The following ELMO1 variants were observed in gnomAD, a reference collection of about 807,000 sequenced individuals.
ELMO1 encodes engulfment and cell motility protein 1.
A neutral mutation model predicts 98.9 loss-of-function variants in ELMO1; 26 were observed. The ratio of observed to expected loss-of-function variants is 0.26; its 90% CI spans 0.19 to 0.36. The LOEUF (loss-of-function observed/expected upper bound fraction) is 0.36. ELMO1 is among the 10% of genes least tolerant of loss of function. The probability of loss-of-function intolerance (pLI) is 1.00; values close to 1 mark genes in which losing one functional copy is unlikely to be tolerated. For missense variants in ELMO1, 627 were observed against 935.2 expected (o/e 0.67, Z 4.30); for synonymous variants, 346 against 346.0 (o/e 1.00, Z 0.00).
At chr7:37,348,964 A>T (rs1801136113) in intron 1 of ELMO1, among the ~76,000 whole-genome samples, 1 of 152,214 alleles carries the variant, frequency 6.6e-6, no homozygotes, top group South Asian at 2.1e-4. Context: ...GTTGCACAGT[A>T]AACCCTACTG....
intron 8 of ELMO1, among the ~76,000 whole-genome samples, chr7:37,231,498 A>G (rs746798446): frequency 4.6e-5 from 7 of 152,240 alleles, no homozygotes; most frequent in Non-Finnish European, 7.3e-5. Context: ...CCAAAAATGC[A>G]TAACCTTCTT....
At chr7:36,965,025 C>A (rs747077683) in intron 16 of ELMO1, among the ~76,000 whole-genome samples, 1 of 152,158 alleles carries the variant, frequency 6.6e-6, no homozygotes, top group Non-Finnish European at 1.5e-5. Context: ...TCTTCCCATT[C>A]CTTGAATACC....
intron 4 of ELMO1, among the ~76,000 whole-genome samples, chr7:37,305,435 C>G (rs1798560621): frequency 7.9e-6 from 1 of 126,818 alleles, no homozygotes; most frequent in South Asian, 3.1e-4. Context: ...ATATCCAGCA[C>G]AGTACAGATA....
chr7:37,295,352 A>G (rs905962824), intron 4 of ELMO1, among the ~76,000 whole-genome samples: 9 of 152,224 alleles, frequency 5.9e-5, no homozygotes, highest in Non-Finnish European at 1.0e-4. Flanking sequence ...TGTCAGTTAT[A>G]TCATTTTTTG....
intron 13 of ELMO1, among the ~76,000 whole-genome samples, chr7:37,155,507 AAGC>A (rs1257081360): frequency 1.3e-5 from 2 of 149,768 alleles, no homozygotes; most frequent in East Asian, 3.9e-4. Flanking sequence ...AAAAAAAAAA[AAGC>A]AGGTGTTGCA....
intron 8 of ELMO1, among the ~76,000 whole-genome samples, chr7:37,226,970 G>A (rs1018749503): frequency 2.0e-5 from 3 of 152,080 alleles, no homozygotes; most frequent in Admixed American, 6.6e-5. Context: ...AGTACACTGC[G>A]GGCCTATTCT....
At chr7:37,138,584 A>ATTTCT (rs1787415702) in intron 13 of ELMO1, among the ~76,000 whole-genome samples, 2 of 152,196 alleles carry the variant, frequency 1.3e-5, no homozygotes, top group Non-Finnish European at 2.9e-5. Context: ...GTAATAAAGA[A>ATTTCT]AATTTCCAAC....
intron 15 of ELMO1, among the ~76,000 whole-genome samples, chr7:37,073,738 A>G (rs1381223285): frequency 1.3e-5 from 2 of 151,484 alleles, no homozygotes; most frequent in Admixed American, 1.3e-4. Context: ...GACACATACC[A>G]CCATGTCCAG....
chr7:37,422,797 A>G (rs1478074362), intron 1 of ELMO1, among the ~76,000 whole-genome samples: 2 of 152,242 alleles, frequency 1.3e-5, no homozygotes, highest in Non-Finnish European at 2.9e-5. Context: ...AGAAGTCATG[A>G]TGTCTGAAGA....
intron 13 of ELMO1, among the ~76,000 whole-genome samples, chr7:37,135,111 T>G (rs532684075): frequency 6.6e-6 from 1 of 152,176 alleles, no homozygotes; most frequent in Non-Finnish European, 1.5e-5. Flanking sequence ...TGATCTGAAC[T>G]CTCCATCTAC....
chr7:36,948,886 C>T (rs982736589), intron 16 of ELMO1, among the ~76,000 whole-genome samples: 9 of 152,208 alleles, frequency 5.9e-5, no homozygotes, highest in East Asian at 3.9e-4. Flanking sequence ...AATGGAGTCT[C>T]GCTCTGTCAC....
At chr7:37,303,320 C>A (rs1562596850) in intron 4 of ELMO1, among the ~76,000 whole-genome samples, 1 of 152,052 alleles carries the variant, frequency 6.6e-6, no homozygotes, top group Non-Finnish European at 1.5e-5. Context: ...CTAAAAACAA[C>A]AAAAAGGCAT....
intron 13 of ELMO1, among the ~76,000 whole-genome samples, chr7:37,144,272 A>G (rs1787843224): frequency 6.6e-6 from 1 of 151,966 alleles, no homozygotes; most frequent in Non-Finnish European, 1.5e-5. Context: ...CTCTCACTCC[A>G]CGTATCATTT....
intron 15 of ELMO1, among the ~76,000 whole-genome samples, chr7:37,076,589 A>T (rs1318787146): frequency 6.6e-6 from 1 of 152,218 alleles, no homozygotes; most frequent in Admixed American, 6.5e-5. Flanking sequence ...TAGCCAAAAT[A>T]GTTCAGTAAG....
chr7:37,117,936 CAT>C lies in ELMO1; in HGVS notation c.1191+15192_1191+15193del, dbSNP rs201174855. On this transcript the variant is annotated intron_variant, in intron 14 of 21. Coordinates refer to ENST00000310758, the MANE Select transcript of ELMO1 (RefSeq NM_014800.11). The stretch of plus-strand genomic sequence containing the variant: ...ATGGAATTGTGTGTTTAACTGGCAA[CAT>C]ATAATTTTATTTTTAAAAAAATGAA... Among the ~76,000 whole-genome samples the C allele has an allele frequency of 7.2e-3, 1,100 of 152,146 alleles. 12 individuals are homozygous for C. The highest frequency in any genetic ancestry group is 0.011 in the Non-Finnish European group (740 of 68,000).
chr7:37,188,786 C>G (rs1024315393), intron 13 of ELMO1, among the ~76,000 whole-genome samples: 1 of 152,102 alleles, frequency 6.6e-6, no homozygotes, highest in Non-Finnish European at 1.5e-5. Flanking sequence ...ACCACTAAAT[C>G]TTGCTGGGGT....
chr7:37,107,678 T>C (rs1210271372), intron 14 of ELMO1, among the ~76,000 whole-genome samples: 1 of 152,250 alleles, frequency 6.6e-6, no homozygotes, highest in African/African-American at 2.4e-5. Context: ...GCTTGACATT[T>C]CTCAACCCTG....
intron 7 of ELMO1, among the ~76,000 whole-genome samples, chr7:37,236,054 T>C (rs1584852818): frequency 6.6e-6 from 1 of 152,240 alleles, no homozygotes. Flanking sequence ...AAGCAAAAGA[T>C]AAAGTATATT....
intron 13 of ELMO1, among the ~76,000 whole-genome samples, chr7:37,134,870 A>G (rs1787163118): frequency 6.6e-6 from 1 of 152,196 alleles, no homozygotes; most frequent in Non-Finnish European, 1.5e-5. Flanking sequence ...ATTTGCACAC[A>G]TGGGCATGGA....
Sources: allele counts gnomAD v4.1 joint callset (sites outside exome capture counted in the v4.1 genomes callset), GRCh38; gene constraint gnomAD v4.1.1; transcripts MANE v1.5; gene names NCBI Gene and HGNC (gene_info 2026-07-23, HGNC 2026-07-21).